Variants in MORC3 observed in about 807,000 individuals in gnomAD.
MORC3 encodes the protein MORC family CW-type zinc finger protein 3.
Under a neutral mutation model 109.1 loss-of-function variants are expected in MORC3, and 31 were observed. The observed-to-expected ratio is 0.28, with a 90% CI of 0.21 to 0.38. MORC3 has a LOEUF of 0.38. Ranked by LOEUF, MORC3 falls within the 10% of genes least tolerant of loss-of-function variation. The pLI, the probability that MORC3 is intolerant of heterozygous loss-of-function variation, is 1.00. For missense variants in MORC3, 867 were observed against 1,135.8 expected, an observed-to-expected ratio of 0.76 and a Z score of 3.40; for synonymous variants, 395 against 380.7, an observed-to-expected ratio of 1.04 and a Z score of -0.44.
chr21:36,362,472 G>A (rs1204336310), intron 13 of MORC3, among the ~76,000 whole-genome samples: 1 of 152,032 alleles, frequency 6.6e-6, no homozygotes, highest in Non-Finnish European at 1.5e-5. Context: ...GAACCTGGGA[G>A]GTAGCTGTTG....
chr21:36,341,410 C>T lies in MORC3; in HGVS notation c.620C>T (p.Ala207Val), dbSNP rs752960540. ...AATTATTTTTACAGCTACAAAAATG[C>T]AACAGAGTTCGATTTTGAAAAGGAT... is the stretch of plus-strand genomic sequence containing the variant. ...IIWNLRSYKNATEFDFEKDKY... is the reference protein window; with the variant it reads ...IIWNLRSYKNVTEFDFEKDKY... Residue 207 changes from alanine to valine, a missense_variant, in exon 6 of 17, where the codon GCA becomes GTA. By Grantham distance (64) the Ala-to-Val change is moderately conservative. This residue lies in a region of MORC3 where 134 missense variants were observed against 166.6 expected (regional missense o/e 0.80). Coordinates refer to ENST00000400485, the MANE Select transcript of MORC3 (RefSeq NM_015358.3). 1 of 1,596,574 alleles carries T rather than the reference C, an allele frequency of 6.3e-7. No individual in the cohort carries two copies.
chr21:36,349,192 G>A, intron 8 of MORC3, 119 bp from the exon 9 acceptor site: 2 of 683,968 alleles, frequency 2.9e-6, no homozygotes, highest in Non-Finnish European at 4.7e-6. Flanking sequence ...AAAAATAAAT[G>A]TGATGAGAAT....
At position 36,369,429 on chromosome 21, in the gene MORC3, A is replaced by C; in HGVS notation, c.2061A>C (p.Lys687Asn). The part of the protein sequence containing the change: ...KIHETQETTD[K>N]SADDAGCQLQ... ...ATGAAACCCAGGAAACCACCGATAAATCTGCAGATGATGCAGGCTGCCAAT... is the reference window on the plus strand; with the variant it reads ...ATGAAACCCAGGAAACCACCGATAACTCTGCAGATGATGCAGGCTGCCAAT... The change falls in exon 15 of 17, where the codon AAA becomes AAC. Residue 687 changes from lysine (K) to asparagine (N), a missense_variant. Lys to Asn is a moderately conservative substitution (Grantham distance 94, BLOSUM62 0). Transcript: ENST00000400485. 6.2e-7 allele frequency: 1 copy of C among 1,614,204 alleles called. No homozygotes were observed. Among genetic ancestry groups the C allele is most frequent in the Non-Finnish European group, 8.5e-7 (1 of 1,180,028 alleles).
In MORC3 at chr21:36,324,301, GTCT is replaced by G. The variant is rs529727187; in HGVS notation, c.39+4002_39+4004del. Among the ~76,000 whole-genome samples, 409 of 150,006 alleles carry G rather than the reference GTCT, an allele frequency of 2.7e-3. 2 individuals are homozygous for G. The highest frequency in any genetic ancestry group is 9.2e-3 in the African/African-American group (375 of 40,822). ...TAGTTTTTTTTTTTTTTGAGATGGA[GTCT>G]TCTCGCTCTGTCGTCCAGGCTGGAG... On this transcript the variant is annotated intron_variant, in intron 1 of 16. Coordinates refer to ENST00000400485, the MANE Select transcript of MORC3 (RefSeq NM_015358.3).
chr21:36,366,546 C>T (rs1210826834), intron 14 of MORC3, among the ~76,000 whole-genome samples: 2 of 152,000 alleles, frequency 1.3e-5, no homozygotes, highest in African/African-American at 4.8e-5. Flanking sequence ...ACCTCTGCCT[C>T]CTGGTTCAAA....
chr21:36,353,355 CAA>C (rs35837458), intron 9 of MORC3, among the ~76,000 whole-genome samples: 74 of 55,644 alleles, frequency 1.3e-3, no homozygotes, highest in East Asian at 0.011. Context: ...GACTCTGTCT[CAA>C]AAAAAAAAAA....
chr21:36,320,359 C>T (rs2085176464), intron 1 of MORC3, 56 bp downstream of exon 1: 1 of 1,316,362 alleles, frequency 7.6e-7, no homozygotes. Context: ...GGCGGGCAAG[C>T]GAAGGGGGGC....
intron 1 of MORC3, among the ~76,000 whole-genome samples, chr21:36,325,562 CTCT>C (rs1251730885): frequency 1.3e-5 from 2 of 152,184 alleles, no homozygotes; most frequent in South Asian, 2.1e-4. Context: ...GTCTCCAGAA[CTCT>C]TCTTGTTGGG....
intron 6 of MORC3, among the ~76,000 whole-genome samples, chr21:36,343,839 A>G (rs780871053): frequency 2.6e-5 from 4 of 151,984 alleles, no homozygotes; most frequent in Non-Finnish European, 5.9e-5. Flanking sequence ...AATTTTTGCT[A>G]AGGTCTTAGC....
intron 14 of MORC3, among the ~76,000 whole-genome samples, chr21:36,367,393 G>C (rs1211902283): frequency 6.6e-6 from 1 of 152,222 alleles, no homozygotes; most frequent in Non-Finnish European, 1.5e-5. Flanking sequence ...ATAGCCACAT[G>C]TGTCATCTCC....
intron 1 of MORC3, among the ~76,000 whole-genome samples, chr21:36,333,228 TTTA>T (rs2085335594): frequency 6.6e-6 from 1 of 152,194 alleles, no homozygotes; most frequent in African/African-American, 2.4e-5. Flanking sequence ...CACAGTTAAG[TTTA>T]TTAGGCCTGA....
Position 36,351,195 on chromosome 21 carries a change from GTAGCTGGGAC to G in MORC3, c.1103+1790_1103+1799del, listed in dbSNP as rs1447964150. On this transcript the variant is annotated intron_variant, in intron 9 of 16. Transcript: ENST00000400485. ...TGATTCTCCTGCCTCAGCCTCCCGA[GTAGCTGGGAC>G]TACAGGCATGCACCACCATGCCCAG... Among the ~76,000 whole-genome samples the G allele has an allele frequency of 2.7e-4, 41 of 150,590 alleles. 1 individual carries two copies. In the Admixed American group the frequency reaches 2.7e-3, roughly 10 times the overall value.
intron 4 of MORC3, 81 bp from the exon 5 acceptor site, chr21:36,338,693 T>G (rs1157732361): frequency 7.7e-7 from 1 of 1,303,666 alleles, no homozygotes; most frequent in Admixed American, 2.3e-5. Context: ...GTTTTTCTGT[T>G]ATTTAAGTTT....
intron 6 of MORC3, among the ~76,000 whole-genome samples, chr21:36,342,384 A>G (rs1258071114): frequency 6.6e-6 from 1 of 151,890 alleles, no homozygotes; most frequent in Non-Finnish European, 1.5e-5. Context: ...TTTAGAAATG[A>G]GGTTTTTGTT....
chr21:36,375,275 G>A lies in MORC3; in HGVS notation c.2799G>A (p.Met933Ile). The A allele has an allele frequency of 6.2e-7, 1 of 1,613,016 alleles. No homozygotes were observed. Among genetic ancestry groups the A allele is most frequent in the Non-Finnish European group, 8.5e-7 (1 of 1,179,272 alleles). The change falls in exon 17 of 17, where the codon ATG becomes ATA. Residue 933 changes from methionine (M) to isoleucine (I), a missense_variant. Around this residue, in one of 7 missense-constraint regions of MORC3, gnomAD observed 34 missense variants for 35.2 expected, o/e 0.97. Coordinates refer to ENST00000400485, the MANE Select transcript of MORC3 (RefSeq NM_015358.3). ...TTTTAGGACAAGTTGTTGAACAAAT[G>A]AGTGAAATCAGTAGTACTTAAAGTA... Reference protein sequence around the residue: ...DEILGQVVEQMSEISST With the variant: ...DEILGQVVEQISEISST
chr21:36,351,057 CT>C (rs748042243), intron 9 of MORC3, among the ~76,000 whole-genome samples: 1,034 of 71,398 alleles, frequency 0.014, no homozygotes, highest in East Asian at 0.051. Context: ...GGTTGTCCTC[CT>C]TTTTTTTTTT....
intron 15 of MORC3, 88 bp downstream of exon 15, chr21:36,369,964 TACCTGTAATCCC>T (rs2085835753): frequency 1.4e-6 from 2 of 1,475,078 alleles, no homozygotes; most frequent in Non-Finnish European, 1.8e-6. Context: ...CGGTGGCTCA[TACCTGTAATCCC>T]ACCACTTGGG....
intron 13 of MORC3, 120 bp from the exon 14 acceptor site, chr21:36,363,973 A>G: frequency 9.3e-7 from 1 of 1,076,798 alleles, no homozygotes; most frequent in Non-Finnish European, 1.3e-6. Context: ...AGGAATTTAC[A>G]TGTTTGGAAT....
At chr21:36,320,485 G>A (rs1439729781) in intron 1 of MORC3, 182 bp downstream of exon 1, 6 of 509,006 alleles carry the variant, frequency 1.2e-5, no homozygotes, top group Non-Finnish European at 1.8e-5. Context: ...TGCGGGCCGG[G>A]CTGCGTTCCG....
Sources: allele counts gnomAD v4.1 joint callset (sites outside exome capture counted in the v4.1 genomes callset), GRCh38; gene constraint gnomAD v4.1.1; regional missense constraint gnomAD v4.1.1; transcripts MANE v1.5; gene names NCBI Gene and HGNC (gene_info 2026-07-23, HGNC 2026-07-21).